Variants in SPIRE1 observed in about 807,000 individuals in gnomAD.
The protein encoded by SPIRE1 is spire type actin nucleation factor 1.
In SPIRE1, 40 loss-of-function variants were observed where a neutral mutation model predicts 94.1. That is an observed-to-expected ratio of 0.43 (90% confidence interval 0.33 to 0.55). SPIRE1 has a LOEUF of 0.55. Ranked by LOEUF, SPIRE1 falls within the 20% of genes least tolerant of loss-of-function variation. The pLI is 0.06. For synonymous variants in SPIRE1, 376 were observed against 371.7 expected (o/e 1.01, Z -0.13); for missense variants, 838 against 975.2 (o/e 0.86, Z 1.87).
At chr18:12,477,551 A>G (rs2143736691) in intron 10 of SPIRE1, among the ~76,000 whole-genome samples, 1 of 152,310 alleles carries the variant, frequency 6.6e-6, no homozygotes, top group South Asian at 2.1e-4. Flanking sequence ...TAAATTCAGC[A>G]TGGTTCCTCC....
intron 12 of SPIRE1, among the ~76,000 whole-genome samples, chr18:12,457,318 TA>T (rs1204899529): frequency 6.6e-6 from 1 of 152,240 alleles, no homozygotes; most frequent in Admixed American, 6.5e-5. Context: ...AAATAGTTAC[TA>T]AAATAGTTTT....
intron 2 of SPIRE1, among the ~76,000 whole-genome samples, chr18:12,617,156 ACTAT>A (rs1278981635): frequency 4.6e-5 from 4 of 87,202 alleles, no homozygotes; most frequent in Admixed American, 1.3e-4. Context: ...AACCATGCTC[ACTAT>A]TTTTTTTTTT....
intron 2 of SPIRE1, among the ~76,000 whole-genome samples, chr18:12,627,828 T>C (rs1160123635): frequency 2.0e-5 from 3 of 152,250 alleles, no homozygotes; most frequent in Non-Finnish European, 4.4e-5. Flanking sequence ...CATTTTCTAA[T>C]GTGTCTGTTG....
chr18:12,655,085 G>C (rs2038500563), intron 1 of SPIRE1, among the ~76,000 whole-genome samples: 1 of 151,718 alleles, frequency 6.6e-6, no homozygotes, highest in African/African-American at 2.4e-5. Context: ...GGGCAAGGTG[G>C]GTTACACCTG....
intron 1 of SPIRE1, among the ~76,000 whole-genome samples, chr18:12,657,099 C>A (rs897476632): frequency 6.6e-6 from 1 of 152,232 alleles, no homozygotes; most frequent in South Asian, 2.1e-4. Flanking sequence ...GCGGAGCCCC[C>A]GCGTGAAGCC....
At position 12,447,529 on chromosome 18, in the gene SPIRE1, C is replaced by G. The variant is rs1355722989; in HGVS notation, c.*2109G>C. On this transcript the variant is annotated 3_prime_UTR_variant, in exon 17 of 17. Transcript: ENST00000409402. ...TAACTGTGCCATGTGCCCTTTCTTA[C>G]CCCACTTTCTGCAGATTGTTTCATA... 2 of 152,164 alleles carry G rather than the reference C, an allele frequency of 1.3e-5. No individual in the cohort carries two copies. Among genetic ancestry groups the G allele is most frequent in the African/African-American group, 4.8e-5 (2 of 41,438 alleles). 9.4% of individuals were successfully genotyped at this position (152,164 alleles called of 1,614,324 possible).
intron 2 of SPIRE1, among the ~76,000 whole-genome samples, chr18:12,556,792 G>A (rs1411053718): frequency 6.6e-6 from 1 of 152,182 alleles, no homozygotes; most frequent in African/African-American, 2.4e-5. Flanking sequence ...AGGACCCAAA[G>A]AGTGAGCAGC....
chr18:12,621,797 C>A (rs1332891691), intron 2 of SPIRE1, among the ~76,000 whole-genome samples: 1 of 152,114 alleles, frequency 6.6e-6, no homozygotes, highest in East Asian at 1.9e-4. Context: ...ATCTCAAAAA[C>A]CGCAAATTGG....
rs545023805 is a variant in SPIRE1, at chr18:12,642,244, C to A, written c.338-7148G>T. Among the ~76,000 whole-genome samples, 39 of 152,208 alleles carry A rather than the reference C, an allele frequency of 2.6e-4. 1 individual carries two copies. In the South Asian group the frequency reaches 5.4e-3, roughly 21 times the overall value. On this transcript the variant is annotated intron_variant, in intron 1 of 16. Coordinates refer to ENST00000409402, the MANE Select transcript of SPIRE1 (RefSeq NM_001128626.2). ...ATCTTCTTCCTTGAGATTATCTGAC[C>A]CCCACCCACAGACTCTGCCCCAAGC...
At chr18:12,618,104 A>T (rs28624561) in intron 2 of SPIRE1, among the ~76,000 whole-genome samples, 1 of 147,404 alleles carries the variant, frequency 6.8e-6, no homozygotes, top group African/African-American at 2.7e-5. Flanking sequence ...CTTATTTTTT[A>T]TTTTTTATTT....
chr18:12,518,718 CA>C (rs200017424), intron 4 of SPIRE1, among the ~76,000 whole-genome samples: 6 of 148,842 alleles, frequency 4.0e-5, no homozygotes, highest in East Asian at 3.9e-4. Context: ...AAAAACAAAA[CA>C]AAAAAAAACA....
chr18:12,558,431 G>A (rs2144371719), intron 2 of SPIRE1, among the ~76,000 whole-genome samples: 1 of 152,328 alleles, frequency 6.6e-6, no homozygotes, highest in Non-Finnish European at 1.5e-5. Context: ...AAGATTTACT[G>A]CAAAGAGCGA....
intron 2 of SPIRE1, among the ~76,000 whole-genome samples, chr18:12,568,455 C>G (rs1809785038): frequency 6.6e-6 from 1 of 152,192 alleles, no homozygotes; most frequent in South Asian, 2.1e-4. Context: ...ATGTCCAACT[C>G]CACTCATCTG....
intron 2 of SPIRE1, among the ~76,000 whole-genome samples, chr18:12,605,906 G>A (rs1054431974): frequency 2.0e-5 from 3 of 151,962 alleles, no homozygotes; most frequent in African/African-American, 4.8e-5. Context: ...CTCGTTCACC[G>A]CCACCTCCCC....
intron 2 of SPIRE1, among the ~76,000 whole-genome samples, chr18:12,598,235 T>C (rs1393120790): frequency 6.6e-6 from 1 of 152,238 alleles, no homozygotes; most frequent in African/African-American, 2.4e-5. Context: ...AAATTCTTTT[T>C]GAATTCTGTC....
intron 2 of SPIRE1, among the ~76,000 whole-genome samples, chr18:12,631,071 C>A (rs2037760433): frequency 6.6e-6 from 1 of 152,056 alleles, no homozygotes; most frequent in Non-Finnish European, 1.5e-5. Context: ...GCTGCCTACC[C>A]CACAACTCTA....
At chr18:12,557,875 A>G (rs918317817) in intron 2 of SPIRE1, among the ~76,000 whole-genome samples, 1 of 152,182 alleles carries the variant, frequency 6.6e-6, no homozygotes, top group Non-Finnish European at 1.5e-5. Context: ...TACATCTACA[A>G]TGAACTCATT....
chr18:12,586,355 T>C (rs1215143544), intron 2 of SPIRE1, among the ~76,000 whole-genome samples: 1 of 152,228 alleles, frequency 6.6e-6, no homozygotes, highest in Non-Finnish European at 1.5e-5. Context: ...AAACTGTTAC[T>C]GCCATAAATA....
At chr18:12,533,610 T>G (rs1293510686) in intron 4 of SPIRE1, among the ~76,000 whole-genome samples, 1 of 152,188 alleles carries the variant, frequency 6.6e-6, no homozygotes, top group African/African-American at 2.4e-5. Flanking sequence ...AAATAGTTTC[T>G]AAGAATGCCA....
Sources: allele counts gnomAD v4.1 joint callset (sites outside exome capture counted in the v4.1 genomes callset), GRCh38; gene constraint gnomAD v4.1.1; transcripts MANE v1.5; gene names NCBI Gene and HGNC (gene_info 2026-07-23, HGNC 2026-07-21).